ZNF600: variants seen among roughly 807,000 people sequenced by gnomAD.
ZNF600 encodes zinc finger protein KR-ZNF1.
In ZNF600, 4 loss-of-function variants were observed where a neutral mutation model predicts 7.3. That is an observed-to-expected ratio of 0.55 (90% CI 0.27 to 1.25). ZNF600 has a LOEUF of 1.25. ZNF600 is among the 50% of genes most tolerant of loss of function. The probability of loss-of-function intolerance (pLI) is 0.12; values close to 1 mark genes in which losing one functional copy is unlikely to be tolerated. For missense variants in ZNF600, 911 were observed against 922.1 expected, an observed-to-expected ratio of 0.99 and a Z score of 0.16; for synonymous variants, 290 against 308.9, an observed-to-expected ratio of 0.94 and a Z score of 0.64.
the ZNF600 span, among the ~76,000 whole-genome samples, chr19:52,831,991 CAAT>C: frequency 6.9e-6 from 1 of 144,294 alleles, no homozygotes; most frequent in Non-Finnish European, 1.5e-5. Context: ...AAAATCATTA[CAAT>C]TATTATAAAA....
chr19:52,816,989 G>T, the ZNF600 span, among the ~76,000 whole-genome samples: 8 of 152,012 alleles, frequency 5.3e-5, no homozygotes, highest in Admixed American at 2.0e-4. Context: ...CCTCTCCACA[G>T]TAACACCATA....
chr19:52,811,868 GC>G, the ZNF600 span, among the ~76,000 whole-genome samples: 2 of 129,192 alleles, frequency 1.5e-5, no homozygotes, highest in African/African-American at 6.1e-5. Context: ...CCGGCCAGCC[GC>G]CCCGTCCGGG....
chr19:52,800,471 A>G, the ZNF600 span: 22 of 1,613,530 alleles, frequency 1.4e-5, no homozygotes, highest in Non-Finnish European at 1.9e-5. Flanking sequence ...TATGAAGTCT[A>G]TGATGGCGTG....
chr19:52,810,862 C>T, the ZNF600 span, among the ~76,000 whole-genome samples: 87 of 1,226 alleles, frequency 0.071, 2 homozygotes, highest in African/African-American at 0.18. Context: ...TCCCTCTCCC[C>T]CTCCCCCTCC....
exon 4 of ZNF600, chr19:52,765,778 G>T (rs770693439): frequency 6.2e-7 from 1 of 1,613,924 alleles, no homozygotes; most frequent in Non-Finnish European, 8.5e-7. Flanking sequence ...TTTCCAGGAT[G>T]AATTCTCCTA....
At chr19:52,796,654 A>G in the ZNF600 span, among the ~76,000 whole-genome samples, 1 of 152,092 alleles carries the variant, frequency 6.6e-6, no homozygotes, top group East Asian at 1.9e-4. Flanking sequence ...TTTTGTGGAG[A>G]CAGGGGTTTC....
At chr19:52,818,157 C>T in the ZNF600 span, 213 of 1,028,718 alleles carry the variant, frequency 2.1e-4, 1 homozygote, top group African/African-American at 2.7e-3. Context: ...TACCGCACCA[C>T]GAACAAAAAA....
At chr19:52,829,232 T>C in the ZNF600 span, among the ~76,000 whole-genome samples, 25 of 149,456 alleles carry the variant, frequency 1.7e-4, no homozygotes, top group African/African-American at 5.9e-4. Flanking sequence ...TATTTTATTT[T>C]ACTTTAAGTT....
the ZNF600 span, chr19:52,810,072 C>A: frequency 4.0e-6 from 3 of 753,552 alleles, no homozygotes; most frequent in Non-Finnish European, 7.1e-6. Flanking sequence ...AGCTCCAGGA[C>A]CTGGGCCTCG....
the ZNF600 span, among the ~76,000 whole-genome samples, chr19:52,832,291 G>A: frequency 0.034 from 5,195 of 152,064 alleles, 312 homozygotes; most frequent in African/African-American, 0.12. Flanking sequence ...ATTCCTTTCC[G>A]AGTCATTAAA....
At position 52,766,317 on chromosome 19, in the gene ZNF600, G is replaced by A. The variant is rs371982490; in HGVS notation, c.1646C>T (p.Ala549Val). The change falls in exon 4 of 4, where the codon GCG becomes GTG. Residue 549 changes from alanine (A) to valine (V), a missense_variant. Physicochemically the swap from Ala to Val is moderately conservative, Grantham distance 64. Transcript: ENST00000648973. Reference sequence around the variant, plus strand: ...ATGTTTTGCCAGATAGGAATGACACGCAAAAGCCTTGTCACAAACCTTACA... The same window carrying A: ...ATGTTTTGCCAGATAGGAATGACACACAAAAGCCTTGTCACAAACCTTACA... 13 of 1,613,166 alleles carry A rather than the reference G, an allele frequency of 8.1e-6. No individual in the cohort carries two copies. In the East Asian group the frequency reaches 8.9e-5, roughly 11 times the overall value.
chr19:52,822,011 A>T, the ZNF600 span, among the ~76,000 whole-genome samples: 1 of 150,854 alleles, frequency 6.6e-6, no homozygotes, highest in African/African-American at 2.4e-5. Flanking sequence ...TTGTCCCAGC[A>T]CATTTGTAAA....
chr19:52,784,631 ATAATT>A (rs1364255642), intron 1 of ZNF600, among the ~76,000 whole-genome samples: 7 of 152,258 alleles, frequency 4.6e-5, no homozygotes, highest in Admixed American at 3.9e-4. Context: ...TCTCATCTGT[ATAATT>A]TAAACAAGGT....
At chr19:52,793,659 C>A in the ZNF600 span, among the ~76,000 whole-genome samples, 5 of 151,560 alleles carry the variant, frequency 3.3e-5, no homozygotes, top group East Asian at 9.7e-4. Context: ...CCCAGCTACT[C>A]GGGGGGCAGA....
chr19:52,827,224 T>C, the ZNF600 span, among the ~76,000 whole-genome samples: 1 of 121,624 alleles, frequency 8.2e-6, no homozygotes, highest in African/African-American at 3.3e-5. Context: ...GACTGGGCCA[T>C]AGAGCAAAAC....
At chr19:52,800,962 C>A in the ZNF600 span, 1 of 1,614,108 alleles carries the variant, frequency 6.2e-7, no homozygotes, top group Non-Finnish European at 8.5e-7. Context: ...GGTTTGTCTG[C>A]AGTATGAAGC....
chr19:52,770,695 T>C (rs1182065208), intron 3 of ZNF600, among the ~76,000 whole-genome samples: 1 of 152,184 alleles, frequency 6.6e-6, no homozygotes, highest in Admixed American at 6.6e-5. Context: ...CTGGCCCGAA[T>C]GTTCACCTTG....
chr19:52,831,596 A>G, the ZNF600 span, among the ~76,000 whole-genome samples: 5 of 151,746 alleles, frequency 3.3e-5, no homozygotes, highest in Non-Finnish European at 7.4e-5. Context: ...TCCACCTCCC[A>G]GATTCACGCC....
chr19:52,775,709 C>T (rs1262476856), intron 2 of ZNF600, among the ~76,000 whole-genome samples: 1 of 152,140 alleles, frequency 6.6e-6, no homozygotes, highest in African/African-American at 2.4e-5. Context: ...AAGTCTGAAT[C>T]TAAAAACTGT....
Sources: gnomAD v4.1 joint callset for allele counts (sites outside exome capture counted in the v4.1 genomes callset) on GRCh38, gnomAD v4.1.1 for gene constraint, MANE v1.5 for transcripts, NCBI Gene and HGNC (gene_info 2026-07-23, HGNC 2026-07-21) for gene names.